Variants in CPNE4 observed in about 807,000 individuals in gnomAD.
The protein encoded by CPNE4 is copine-4.
CPNE4 carries 25 observed loss-of-function variants against 67.9 expected under a neutral mutation model. The ratio of observed to expected loss-of-function variants is 0.37; its 90% CI spans 0.27 to 0.51. The LOEUF is 0.51. Among genes scored for constraint, CPNE4 ranks in the 20% least tolerant of loss-of-function variants. The pLI is 0.93. For synonymous variants in CPNE4, 242 were observed against 244.9 expected (o/e 0.99, Z 0.11); for missense variants, 464 against 690.8 (o/e 0.67, Z 3.68).
chr3:131,668,296 CAGA>C (rs1400964500), intron 7 of CPNE4, among the ~76,000 whole-genome samples: 2 of 152,154 alleles, frequency 1.3e-5, no homozygotes, highest in Non-Finnish European at 2.9e-5. Context: ...TTGTATCTGT[CAGA>C]AGGTTTGTGG....
Position 131,791,822 on chromosome 3 carries a change from A to G in CPNE4, c.181-68197T>C, listed in dbSNP as rs544094472. 3.3e-5 allele frequency among the ~76,000 whole-genome samples: 5 copies of G among 152,142 alleles called. No homozygotes were observed. The South Asian group carries it at 8.3e-4, about 25-fold the overall frequency. On this transcript the variant is annotated intron_variant, in intron 2 of 15. Transcript: ENST00000429747. ...AATTATTGATACACTTGCAGGATGG[A>G]GAAATTTCTCATGATTCTCTGGGAA...
chr3:131,729,598 T>C (rs1560196390), intron 2 of CPNE4, among the ~76,000 whole-genome samples: 1 of 152,212 alleles, frequency 6.6e-6, no homozygotes, highest in Non-Finnish European at 1.5e-5. Flanking sequence ...TTGGTGCTGA[T>C]GAGACATGGT....
At chr3:131,984,316 C>T (rs564381182) in intron 1 of CPNE4, among the ~76,000 whole-genome samples, 4 of 152,198 alleles carry the variant, frequency 2.6e-5, no homozygotes, top group South Asian at 2.1e-4. Flanking sequence ...ACAACAGTAC[C>T]GTTTCCCATT....
chr3:131,743,962 C>CAAAAAAAAAAA (rs67791015), intron 2 of CPNE4, among the ~76,000 whole-genome samples: 14 of 59,184 alleles, frequency 2.4e-4, no homozygotes, highest in East Asian at 6.4e-4. Context: ...GACTCCGTCT[C>CAAAAAAAAAAA]AAAAAAAAAA....
chr3:131,775,165 G>T (rs2083262728), intron 2 of CPNE4, among the ~76,000 whole-genome samples: 1 of 152,052 alleles, frequency 6.6e-6, no homozygotes, highest in Non-Finnish European at 1.5e-5. Context: ...CACCTCCAAA[G>T]AAGGCCCTGT....
intron 1 of CPNE4, among the ~76,000 whole-genome samples, chr3:131,983,878 A>G (rs1394971443): frequency 6.6e-6 from 1 of 152,214 alleles, no homozygotes; most frequent in Non-Finnish European, 1.5e-5. Context: ...TATGTGTCTA[A>G]TGTGCCCCAA....
chr3:131,840,845 C>T (rs1054483194), intron 2 of CPNE4, among the ~76,000 whole-genome samples: 4 of 152,114 alleles, frequency 2.6e-5, no homozygotes, highest in African/African-American at 9.7e-5. Context: ...GATGTGGGGC[C>T]ACCTGCTGTG....
At chr3:131,995,553 A>G (rs982553233) in intron 1 of CPNE4, among the ~76,000 whole-genome samples, 4 of 152,206 alleles carry the variant, frequency 2.6e-5, no homozygotes, top group Non-Finnish European at 4.4e-5. Flanking sequence ...GTGTGAGAAA[A>G]GACACCATGA....
At chr3:131,916,213 G>A (rs570565972) in intron 1 of CPNE4, among the ~76,000 whole-genome samples, 2 of 152,162 alleles carry the variant, frequency 1.3e-5, no homozygotes, top group African/African-American at 4.8e-5. Flanking sequence ...TTACCAAGTA[G>A]AAAGATCAAA....
At chr3:131,645,790 A>G (rs2079649379) in intron 7 of CPNE4, among the ~76,000 whole-genome samples, 1 of 152,166 alleles carries the variant, frequency 6.6e-6, no homozygotes, top group Admixed American at 6.5e-5. Flanking sequence ...CACTTCCTGA[A>G]AAAAGGTAAC....
chr3:132,033,391 GTGTGTGTGTGTGTC>G (rs1410353402), intron 1 of CPNE4, among the ~76,000 whole-genome samples: 5 of 83,784 alleles, frequency 6.0e-5, no homozygotes, highest in Admixed American at 4.9e-4. Context: ...GAGTGTGTGA[GTGTGTGTGTGTGTC>G]TGTGTGTGTG....
chr3:131,719,429 A>G (rs1350280256), intron 3 of CPNE4, among the ~76,000 whole-genome samples: 1 of 152,196 alleles, frequency 6.6e-6, no homozygotes, highest in African/African-American at 2.4e-5. Flanking sequence ...CCAAAAACGT[A>G]TCTTGAAAGG....
chr3:132,012,174 T>G (rs2073782048), intron 1 of CPNE4, among the ~76,000 whole-genome samples: 1 of 5,918 alleles, frequency 1.7e-4, no homozygotes, highest in Non-Finnish European at 2.9e-3. Context: ...TGCTTTTTCG[T>G]TTTTTTTTTT....
rs867916244 is a variant in CPNE4 at position 131,552,067 on chromosome 3, A to G, written c.1168+373T>C. ...ATCGGCACAGAGATGAAGTTGTGAA[A>G]AAAAAAAAAAAAAAACACTTGATGA... On this transcript the variant is annotated intron_variant, in intron 13 of 15. Transcript: ENST00000429747. Among the ~76,000 whole-genome samples, 588 of 76,868 alleles carry G rather than the reference A, an allele frequency of 7.6e-3. 3 individuals are homozygous for G. The highest frequency in any genetic ancestry group is 0.052 in the African/African-American group (551 of 10,668). The allele number at this position is 76,868 out of a possible 152,430, so 50.4% of individuals were successfully genotyped here.
At chr3:131,653,739 G>A (rs553412216) in intron 7 of CPNE4, among the ~76,000 whole-genome samples, 2 of 152,300 alleles carry the variant, frequency 1.3e-5, no homozygotes, top group South Asian at 2.1e-4. Flanking sequence ...CAAACTTCCA[G>A]GTCTTTGCAC....
chr3:131,785,954 C>T (rs1382670358), intron 2 of CPNE4, among the ~76,000 whole-genome samples: 1 of 151,936 alleles, frequency 6.6e-6, no homozygotes, highest in Non-Finnish European at 1.5e-5. Flanking sequence ...CATATATGAC[C>T]AGCTTTCATG....
At position 132,034,851 on chromosome 3, in the gene CPNE4, T is replaced by G. The variant is rs1479023437; in HGVS notation, c.-286A>C. 3.1e-5 allele frequency: 31 copies of G among 984,870 alleles called. No individual in the cohort carries two copies. Among genetic ancestry groups the G allele is most frequent in the Non-Finnish European group, 3.7e-5 (31 of 829,918 alleles). 61.0% of individuals were successfully genotyped at this position (984,870 alleles called of 1,614,324 possible). A position where few individuals can be genotyped will look rare whatever the true frequency, so the allele number is the denominator to read the frequency against. Reference sequence around the variant, plus strand: ...GGGTGAAAATGTTGGAGATGTCAGGTCGGCTCTCAGTTAACTCGGAGAGTA... The same window carrying G: ...GGGTGAAAATGTTGGAGATGTCAGGGCGGCTCTCAGTTAACTCGGAGAGTA... On this transcript the variant is annotated 5_prime_UTR_variant, in exon 1 of 16. Coordinates refer to ENST00000429747, the MANE Select transcript of CPNE4 (RefSeq NM_130808.3).
intron 14 of CPNE4, among the ~76,000 whole-genome samples, chr3:131,547,768 A>G (rs971578816): frequency 2.0e-5 from 3 of 152,058 alleles, no homozygotes; most frequent in African/African-American, 7.2e-5. Flanking sequence ...CAGTCAAACC[A>G]CCGGTTAGTG....
chr3:131,552,409 G>A, intron 13 of CPNE4, 31 bp downstream of exon 13: 10 of 1,597,336 alleles, frequency 6.3e-6, no homozygotes, highest in East Asian at 2.2e-5. Flanking sequence ...GAAGGACTGT[G>A]ACACTGGCTT....
Sources: allele counts gnomAD v4.1 joint callset (sites outside exome capture counted in the v4.1 genomes callset), GRCh38; gene constraint gnomAD v4.1.1; transcripts MANE v1.5; gene names NCBI Gene and HGNC (gene_info 2026-07-23, HGNC 2026-07-21).